The following MDN1 variants were observed in gnomAD, a reference collection of about 807,000 sequenced individuals.
MDN1 encodes the protein midasin.
MDN1 carries 266 observed loss-of-function variants against 669.2 expected under a neutral mutation model. That is an observed-to-expected ratio of 0.40 (90% CI 0.36 to 0.44). MDN1 has a LOEUF of 0.44. MDN1 is among the 20% of genes least tolerant of loss of function. The probability of loss-of-function intolerance (pLI) is 1.00; values close to 1 mark genes in which losing one functional copy is unlikely to be tolerated. For synonymous variants in MDN1, 2,385 were observed against 2,457.1 expected (o/e 0.97, Z 0.87); for missense variants, 5,940 against 6,754.0 (o/e 0.88, Z 4.22).
rs1459795498 is a variant in MDN1, at chr6:89,643,865, A to G, written c.*140T>C. ...CAGGCAAAGCCGGGAGCCAGAGAGC[A>G]TTCTGTAGGCTGTAAGATCACGTTG... On this transcript the variant is annotated 3_prime_UTR_variant, in exon 102 of 102. Transcript: ENST00000369393. The G allele has an allele frequency of 2.6e-6, 2 of 767,478 alleles. No individual in the cohort carries two copies. The highest frequency in any genetic ancestry group is 4.0e-4 in the Middle Eastern group (1 of 2,470). The allele number at this position is 767,478 out of a possible 1,614,324, so 47.5% of individuals were successfully genotyped here. A position where few individuals can be genotyped will look rare whatever the true frequency, so the allele number is the denominator to read the frequency against.
intron 2 of MDN1, among the ~76,000 whole-genome samples, chr6:89,796,323 TCAAAAAAAAAAAAAAAAAAAAAAAAAA>T (rs1819593298): frequency 8.7e-4 from 2 of 2,296 alleles, no homozygotes; most frequent in African/African-American, 2.5e-3. Context: ...AAACTCTGTC[TCAAAAAAAAAAAAAAAAAAAAAAAAAA>T]CAAAAAAAAA....
chr6:89,702,941 T>TCC (rs1813253196), intron 53 of MDN1, among the ~76,000 whole-genome samples: 3 of 149,244 alleles, frequency 2.0e-5, no homozygotes, highest in African/African-American at 7.4e-5. Context: ...AAAGGCCCTT[T>TCC]TTTTTTTTTT....
chr6:89,689,520 C>T (rs1812239215), intron 65 of MDN1, among the ~76,000 whole-genome samples: 1 of 152,074 alleles, frequency 6.6e-6, no homozygotes, highest in East Asian at 1.9e-4. Flanking sequence ...ATTTCAAAAG[C>T]ACTAAGGCTA....
At position 89,797,440 on chromosome 6, in the gene MDN1, C is replaced by T. The variant is rs572805492; in HGVS notation, c.330-2639G>A. 2.1e-4 allele frequency among the ~76,000 whole-genome samples: 31 copies of T among 150,614 alleles called. No homozygotes were observed. The South Asian group carries it at 5.7e-3, about 28-fold the overall frequency. ...ACAAATGCTCAAAAATGGACTGTAG[C>T]GGGTTCTGTTCTTGTGGTCGGCGGC... is the stretch of plus-strand genomic sequence containing the variant. On this transcript the variant is annotated intron_variant, in intron 2 of 101. Coordinates refer to ENST00000369393, the MANE Select transcript of MDN1 (RefSeq NM_014611.3).
At position 89,794,210 on chromosome 6, in the gene MDN1, A is replaced by C; in HGVS notation, c.555-3T>G. The C allele has an allele frequency of 6.6e-7, 1 of 1,514,118 alleles. No individual in the cohort carries two copies. The highest frequency in any genetic ancestry group is 9.0e-7 in the Non-Finnish European group (1 of 1,112,804). The allele number at this position is 1,514,118 out of a possible 1,614,324, so 93.8% of individuals were successfully genotyped here. On this transcript the variant is annotated splice_region_variant and splice_polypyrimidine_tract_variant and intron_variant, in intron 3 of 101. Coordinates refer to ENST00000369393, the MANE Select transcript of MDN1 (RefSeq NM_014611.3). ...AAGCAAGACAATTGGCTGTATACCTAGGGAAAAAGAAAGTATGTAAATTCA... is the reference window on the plus strand; with the variant it reads ...AAGCAAGACAATTGGCTGTATACCTCGGGAAAAAGAAAGTATGTAAATTCA...
rs1814412511 is a variant in MDN1 at position 89,716,890 on chromosome 6, T to C, written c.6584-81A>G. ...TTAAGTTTATGAAAAGGAAGCTTGA[T>C]ACTTCTAGCCAAGGTTTTTAAGATT... On this transcript the variant is annotated intron_variant, in intron 43 of 101. Coordinates refer to ENST00000369393, the MANE Select transcript of MDN1 (RefSeq NM_014611.3). The C allele has an allele frequency of 2.2e-6, 3 of 1,391,706 alleles. No homozygotes were observed. In the Admixed American group the frequency reaches 8.1e-5, roughly 38 times the overall value. 86.2% of individuals were successfully genotyped at this position (1,391,706 alleles called of 1,614,324 possible).
chr6:89,700,639 A>AT lies in MDN1; in HGVS notation c.8638+6dup, dbSNP rs1410787574. The AT allele has an allele frequency of 4.3e-6, 7 of 1,613,298 alleles. No individual in the cohort carries two copies. Among genetic ancestry groups the AT allele is most frequent in the Non-Finnish European group, 5.9e-6 (7 of 1,179,378 alleles). On this transcript the variant is annotated splice_region_variant and intron_variant, in intron 56 of 101. Coordinates refer to ENST00000369393, the MANE Select transcript of MDN1 (RefSeq NM_014611.3). The stretch of plus-strand genomic sequence containing the variant: ...CTGTCAGCTAGCCAAGTGCTAGAAT[A>AT]TTTTACCTAGGCTGACATCTTCCAA...
In MDN1 at chr6:89,670,903, T is replaced by C. The variant is rs745721984; in HGVS notation, c.13956+16A>G. On this transcript the variant is annotated intron_variant, in intron 83 of 101. Coordinates refer to ENST00000369393, the MANE Select transcript of MDN1 (RefSeq NM_014611.3). Reference sequence around the variant, plus strand: ...GGTCCCTGCTGCTCACAGTGCACCATGTGAACAGTCCTTACCTTCTGGGCA... The same window carrying C: ...GGTCCCTGCTGCTCACAGTGCACCACGTGAACAGTCCTTACCTTCTGGGCA... 9.9e-6 allele frequency: 16 copies of C among 1,611,968 alleles called. No homozygotes were observed. The highest frequency in any genetic ancestry group is 4.4e-5 in the South Asian group (4 of 90,870).
chr6:89,782,604 AAAT>A (rs58697438), intron 9 of MDN1, among the ~76,000 whole-genome samples: 33,855 of 143,924 alleles, frequency 0.24, 4,355 homozygotes, highest in East Asian at 0.4. Flanking sequence ...TTTCCTCAAA[AAAT>A]AATAATAATA....
At chr6:89,712,953 T>TAAAAAAA (rs5878107) in intron 47 of MDN1, among the ~76,000 whole-genome samples, 167 bp from the exon 48 acceptor site, 1 of 146,470 alleles carries the variant, frequency 6.8e-6, no homozygotes. Context: ...CATGTAAGTT[T>TAAAAAAA]AAAAAAAAAA....
chr6:89,687,474 A>T, intron 67 of MDN1, 36 bp from the exon 68 acceptor site: 1 of 1,566,328 alleles, frequency 6.4e-7, no homozygotes, highest in South Asian at 1.1e-5. Context: ...TACAGATATT[A>T]TTCAATGCCA....
intron 56 of MDN1, 77 bp downstream of exon 56, chr6:89,700,569 A>C (rs191929583): frequency 6.9e-7 from 1 of 1,453,924 alleles, no homozygotes; most frequent in East Asian, 2.3e-5. Flanking sequence ...GAAAAATCTA[A>C]GGGAAAACTT....
chr6:89,785,557 A>G (rs551705517), intron 8 of MDN1, among the ~76,000 whole-genome samples: 1 of 152,356 alleles, frequency 6.6e-6, no homozygotes, highest in African/African-American at 2.4e-5. Flanking sequence ...AGAAAAAAGT[A>G]GAGAAGGAAT....
At chr6:89,666,756 TATG>T (rs1196341545) in intron 84 of MDN1, among the ~76,000 whole-genome samples, 2 of 152,258 alleles carry the variant, frequency 1.3e-5, no homozygotes, top group African/African-American at 4.8e-5. Flanking sequence ...TGCAGTGAGC[TATG>T]ATTATAGAAC....
intron 46 of MDN1, among the ~76,000 whole-genome samples, chr6:89,714,243 G>A (rs1814169037): frequency 6.6e-6 from 1 of 152,054 alleles, no homozygotes; most frequent in Non-Finnish European, 1.5e-5. Context: ...TGACCCTGGA[G>A]AAATGATGGG....
rs768296574 is a variant in MDN1, at chr6:89,682,992, CA to C, written c.12102+139del. The C allele has an allele frequency of 1.8e-4, 149 of 850,366 alleles. 2 individuals carry two copies. Among genetic ancestry groups the C allele is most frequent in the African/African-American group, 1.7e-3 (98 of 58,400 alleles). 52.7% of individuals were successfully genotyped at this position (850,366 alleles called of 1,614,324 possible). ...TGCCTTATTCTGCAGGGAAGTCAGG[CA>C]AATACATGCTATATATGTCCAAAGA... On this transcript the variant is annotated intron_variant, in intron 73 of 101. Transcript: ENST00000369393.
rs1409456467 is a variant in MDN1, at chr6:89,658,593, C to T, written c.15021+17G>A. ...CCTCATTATTTTTAACATAAAAAGC[C>T]AGACATCTCATGATACCTGGGGCTG... On this transcript the variant is annotated intron_variant, in intron 89 of 101. Coordinates refer to ENST00000369393, the MANE Select transcript of MDN1 (RefSeq NM_014611.3). 6.3e-7 allele frequency: 1 copy of T among 1,589,840 alleles called. No homozygotes were observed. Among genetic ancestry groups the T allele is most frequent in the Admixed American group, 1.8e-5 (1 of 56,654 alleles).
chr6:89,700,599 A>G (rs762955511), intron 56 of MDN1, 47 bp downstream of exon 56: 14 of 1,574,150 alleles, frequency 8.9e-6, no homozygotes, highest in African/African-American at 1.4e-5. Flanking sequence ...CAGCAAGAGG[A>G]TATTTTCAGA....
At chr6:89,704,360 C>T (rs867410770) in intron 53 of MDN1, among the ~76,000 whole-genome samples, 31 of 152,094 alleles carry the variant, frequency 2.0e-4, no homozygotes, top group Non-Finnish European at 1.0e-4. Context: ...CCAGCATGGG[C>T]GACAGAGCGA....
Sources: allele counts gnomAD v4.1 joint callset (sites outside exome capture counted in the v4.1 genomes callset), GRCh38; gene constraint gnomAD v4.1.1; transcripts MANE v1.5; gene names NCBI Gene and HGNC (gene_info 2026-07-23, HGNC 2026-07-21).